The following OR6N1 variants were observed in gnomAD, a reference collection of about 807,000 sequenced individuals.
The protein encoded by OR6N1 is olfactory receptor family 6 subfamily N member 1.
For missense variants in OR6N1, 394 were observed against 371.7 expected, an observed-to-expected ratio of 1.06 and a Z score of -0.49; for synonymous variants, 170 against 150.7, an observed-to-expected ratio of 1.13 and a Z score of -0.94.
chr1:158,781,453 T>C, the OR6N1 span, among the ~76,000 whole-genome samples: 1 of 152,194 alleles, frequency 6.6e-6, no homozygotes, highest in Non-Finnish European at 1.5e-5. Context: ...AAATGTTTGC[T>C]GTCTCATCAC....
the OR6N1 span, among the ~76,000 whole-genome samples, chr1:158,780,059 T>C: frequency 6.6e-6 from 1 of 152,168 alleles, no homozygotes; most frequent in African/African-American, 2.4e-5. Flanking sequence ...CCTGAACACA[T>C]CCCTTTTGTT....
chr1:158,790,995 A>T, the OR6N1 span, among the ~76,000 whole-genome samples: 1 of 152,188 alleles, frequency 6.6e-6, no homozygotes, highest in South Asian at 2.1e-4. Context: ...GGATTTTACC[A>T]AATGCTTTTT....
chr1:158,794,451 G>A, the OR6N1 span, among the ~76,000 whole-genome samples: 6 of 152,190 alleles, frequency 3.9e-5, no homozygotes, highest in East Asian at 3.9e-4. Context: ...AGACTACTAC[G>A]AATCCTGCTG....
the OR6N1 span, among the ~76,000 whole-genome samples, chr1:158,819,612 C>G: frequency 1.3e-5 from 2 of 152,130 alleles, no homozygotes; most frequent in East Asian, 3.9e-4. Flanking sequence ...GAATGTATAC[C>G]ACGGGAGTTC....
chr1:158,765,711 C>A lies in OR6N1; in HGVS notation c.*33G>T. ...TTGATCCCTGGGGCCACCATATCCT[C>A]AGGCCCGGCCTTGGCCTACTCTCAG... On this transcript the variant is annotated 3_prime_UTR_variant, in exon 2 of 2. Coordinates refer to ENST00000641846, the MANE Select transcript of OR6N1 (RefSeq NM_001005185.2). 1 of 1,553,528 alleles carries A rather than the reference C, an allele frequency of 6.4e-7. No homozygotes were observed.
the OR6N1 span, among the ~76,000 whole-genome samples, chr1:158,820,699 A>G: frequency 1.3e-5 from 2 of 152,234 alleles, no homozygotes; most frequent in Non-Finnish European, 2.9e-5. Flanking sequence ...GTGCCCCTTC[A>G]GAAGTCCTGC....
the OR6N1 span, among the ~76,000 whole-genome samples, chr1:158,835,620 GC>G: frequency 0.56 from 50,536 of 90,994 alleles, 12,050 homozygotes; most frequent in East Asian, 0.61. Flanking sequence ...TTTGGTGGGG[GC>G]GGGGGGTGGG....
chr1:158,773,288 A>G (rs925086048), upstream of OR6N1, among the ~76,000 whole-genome samples: 11 of 152,082 alleles, frequency 7.2e-5, no homozygotes, highest in Non-Finnish European at 5.9e-5. Flanking sequence ...TTTGACTAGT[A>G]TACGTAGAGT....
In OR6N1 at chr1:158,766,317, C is replaced by A; in HGVS notation, c.366G>T (p.Arg122Ser). The A allele has an allele frequency of 1.2e-5, 19 of 1,614,008 alleles. No homozygotes were observed. The highest frequency in any genetic ancestry group is 1.6e-5 in the Non-Finnish European group (19 of 1,180,006). ...CYLLTAMAYDRYLAICRPLHY... is the reference protein window; with the variant it reads ...CYLLTAMAYDSYLAICRPLHY... ...GGAGGGGCCGGCAGATGGCTAAATA[C>A]CTATCGTAGGCCATAGCTGTCAGGA... Residue 122 changes from arginine (R) to serine (S), a missense_variant, in exon 2 of 2, where the codon AGG (arginine) becomes AGT (serine). Physicochemically the swap from Arg to Ser is moderately radical, Grantham distance 110. Coordinates refer to ENST00000641846, the MANE Select transcript of OR6N1 (RefSeq NM_001005185.2).
chr1:158,807,450 C>A, the OR6N1 span, among the ~76,000 whole-genome samples: 1 of 152,128 alleles, frequency 6.6e-6, no homozygotes, highest in Non-Finnish European at 1.5e-5. Context: ...AGGTACTTGG[C>A]CCCCAGTTCA....
chr1:158,800,807 G>A, the OR6N1 span, among the ~76,000 whole-genome samples: 1 of 152,208 alleles, frequency 6.6e-6, no homozygotes, highest in African/African-American at 2.4e-5. Flanking sequence ...TGTCCAGAGA[G>A]TTTTTATTTC....
At chr1:158,767,417 C>T (rs75815066) in intron 1 of OR6N1, among the ~76,000 whole-genome samples, 1 of 152,204 alleles carries the variant, frequency 6.6e-6, no homozygotes, top group African/African-American at 2.4e-5. Flanking sequence ...TTCTTCCTGC[C>T]ATTTCCCCCT....
chr1:158,766,771 A>T, intron 1 of OR6N1, 71 bp from the exon 2 acceptor site: 1 of 906,434 alleles, frequency 1.1e-6, no homozygotes, highest in Admixed American at 2.7e-5. Context: ...GCAACCCTCA[A>T]ATTACTATTG....
At chr1:158,831,691 C>T in the OR6N1 span, 1 of 152,100 alleles carries the variant, frequency 6.6e-6, no homozygotes, top group South Asian at 2.1e-4. Flanking sequence ...GAACTGAATG[C>T]TTTAACTGTC....
chr1:158,797,444 G>C, the OR6N1 span, among the ~76,000 whole-genome samples: 3 of 152,162 alleles, frequency 2.0e-5, no homozygotes, highest in African/African-American at 7.2e-5. Context: ...TGCAACCCCA[G>C]AAACTATCTC....
At chr1:158,768,719 CT>C (rs1337598666) in intron 1 of OR6N1, among the ~76,000 whole-genome samples, 1 of 152,204 alleles carries the variant, frequency 6.6e-6, no homozygotes, top group African/African-American at 2.4e-5. Context: ...TTGGATAGCT[CT>C]TTCATTTATT....
At chr1:158,819,764 G>A in the OR6N1 span, among the ~76,000 whole-genome samples, 16 of 152,130 alleles carry the variant, frequency 1.1e-4, no homozygotes, top group Non-Finnish European at 4.4e-5. Context: ...CATATACATA[G>A]TACTGTTTCT....
the OR6N1 span, among the ~76,000 whole-genome samples, chr1:158,799,456 T>C: frequency 6.6e-6 from 1 of 152,174 alleles, no homozygotes; most frequent in Admixed American, 6.5e-5. Flanking sequence ...TGGGATCATA[T>C]ATGTTCTAAA....
At chr1:158,808,015 A>T in the OR6N1 span, among the ~76,000 whole-genome samples, 2 of 148,536 alleles carry the variant, frequency 1.3e-5, no homozygotes, top group African/African-American at 4.9e-5. Flanking sequence ...TGACCACATG[A>T]TTGACAAGCC....
Sources: allele counts gnomAD v4.1 joint callset (sites outside exome capture counted in the v4.1 genomes callset), GRCh38; gene constraint gnomAD v4.1.1; transcripts MANE v1.5; gene names NCBI Gene and HGNC (gene_info 2026-07-23, HGNC 2026-07-21).